Variants in USP3 observed in about 807,000 individuals in gnomAD.
USP3 encodes the protein ubiquitin specific peptidase 3.
A neutral mutation model predicts 72.3 loss-of-function variants in USP3; 20 were observed. That is an observed-to-expected ratio of 0.28 (90% CI 0.19 to 0.40). The LOEUF (loss-of-function observed/expected upper bound fraction) is 0.40, where lower values mean the gene tolerates loss of function less well. Among genes scored for constraint, USP3 ranks in the 10% least tolerant of loss-of-function variants. The probability of loss-of-function intolerance (pLI) is 1.00; values close to 1 mark genes in which losing one functional copy is unlikely to be tolerated. For synonymous variants in USP3, 222 were observed against 225.3 expected (o/e 0.99, Z 0.13); for missense variants, 479 against 633.9 (o/e 0.76, Z 2.62).
chr15:63,524,407 T>G (rs2065954051), intron 1 of USP3, among the ~76,000 whole-genome samples: 1 of 152,298 alleles, frequency 6.6e-6, no homozygotes, highest in Admixed American at 6.5e-5. Context: ...CTCCCTCTGT[T>G]AAGTGGTGGT....
chr15:63,530,217 G>GT (rs1378754625), intron 1 of USP3, among the ~76,000 whole-genome samples: 5 of 151,778 alleles, frequency 3.3e-5, no homozygotes, highest in African/African-American at 1.2e-4. Flanking sequence ...ACCTATAAGA[G>GT]TTTTTTTCTC....
chr15:63,523,519 T>C (rs2065944417), intron 1 of USP3, among the ~76,000 whole-genome samples: 1 of 152,238 alleles, frequency 6.6e-6, no homozygotes. Flanking sequence ...CATTTTTGTA[T>C]AAAAGAGGGA....
intron 7 of USP3, among the ~76,000 whole-genome samples, chr15:63,561,050 G>C (rs1419002280): frequency 6.6e-6 from 1 of 151,924 alleles, no homozygotes; most frequent in Non-Finnish European, 1.5e-5. Context: ...GCGTGGAGCA[G>C]GGCTGGAATG....
intron 1 of USP3, among the ~76,000 whole-genome samples, chr15:63,524,359 G>T (rs1427909540): frequency 6.6e-6 from 1 of 152,220 alleles, no homozygotes; most frequent in East Asian, 1.9e-4. Context: ...CCAGTGAGTT[G>T]TTTGGTGGGT....
intron 11 of USP3, among the ~76,000 whole-genome samples, chr15:63,575,694 G>C (rs1292519534): frequency 6.6e-6 from 1 of 152,134 alleles, no homozygotes; most frequent in Non-Finnish European, 1.5e-5. Context: ...TCTAGTATGT[G>C]TCTCCAAAAC....
intron 2 of USP3, among the ~76,000 whole-genome samples, chr15:63,534,974 C>T (rs192429139): frequency 6.6e-6 from 1 of 152,186 alleles, no homozygotes; most frequent in African/African-American, 2.4e-5. Context: ...CTCTGTCACC[C>T]AGGCTGCAGT....
chr15:63,547,319 T>A (rs1194281186), intron 3 of USP3, among the ~76,000 whole-genome samples: 1 of 152,102 alleles, frequency 6.6e-6, no homozygotes, highest in Non-Finnish European at 1.5e-5. Context: ...GAAATAAATG[T>A]CCCTCTTAGT....
rs1279751250 is a variant in USP3, at chr15:63,566,745, G to T, written c.762-3688G>T. Among the ~76,000 whole-genome samples the T allele has an allele frequency of 2.6e-5, 4 of 152,162 alleles. No individual in the cohort carries two copies. In the East Asian group the frequency reaches 7.7e-4, roughly 29 times the overall value. ...CACTGTAGCCAAGAATTTTGCTATT[G>T]TATTTGTGTGTTTGTAAACACTAAT... On this transcript the variant is annotated intron_variant, in intron 8 of 14. Transcript: ENST00000380324.
At chr15:63,545,864 G>A (rs750408887) in intron 3 of USP3, among the ~76,000 whole-genome samples, 15 of 151,230 alleles carry the variant, frequency 9.9e-5, no homozygotes, top group East Asian at 1.9e-4. Flanking sequence ...TCAGCTACTC[G>A]GGAGGCTGAG....
chr15:63,578,119 T>TA (rs1424069459), intron 11 of USP3, among the ~76,000 whole-genome samples: 1 of 150,594 alleles, frequency 6.6e-6, no homozygotes, highest in African/African-American at 2.4e-5. Context: ...CTACTAAAAA[T>TA]ACAAAAATTA....
intron 2 of USP3, chr15:63,533,736 A>T: frequency 1.6e-6 from 1 of 629,612 alleles, no homozygotes; most frequent in Non-Finnish European, 2.4e-6. Flanking sequence ...ATGTGCACTT[A>T]AGAGTACCTT....
intron 3 of USP3, among the ~76,000 whole-genome samples, chr15:63,539,249 G>A (rs1156801081): frequency 1.3e-5 from 2 of 151,974 alleles, no homozygotes; most frequent in African/African-American, 4.8e-5. Context: ...TGAAGTATCT[G>A]TCTCACATTG....
intron 7 of USP3, 116 bp from the exon 8 acceptor site, chr15:63,562,779 C>A: frequency 1.7e-6 from 1 of 603,450 alleles, no homozygotes. Context: ...TCAGAAAAGA[C>A]CAAATCCTTT....
In USP3 at chr15:63,593,429, C is replaced by T. The variant is rs778243850; in HGVS notation, c.*2603C>T. On this transcript the variant is annotated 3_prime_UTR_variant, in exon 15 of 15. Coordinates refer to ENST00000380324, the MANE Select transcript of USP3 (RefSeq NM_006537.4). ...ATCTTCAGTCTCTCTGAATGGGCAG[C>T]TGTTAAACAGTAAAGGCCTGGGCAG... The T allele has an allele frequency of 2.0e-5, 3 of 152,192 alleles. No individual in the cohort carries two copies. Among genetic ancestry groups the T allele is most frequent in the Non-Finnish European group, 4.4e-5 (3 of 68,042 alleles). 9.4% of individuals were successfully genotyped at this position (152,192 alleles called of 1,614,324 possible). A position where few individuals can be genotyped will look rare whatever the true frequency, so the allele number is the denominator to read the frequency against.
intron 6 of USP3, among the ~76,000 whole-genome samples, chr15:63,559,375 A>G (rs2066567027): frequency 6.6e-6 from 1 of 152,262 alleles, no homozygotes; most frequent in Non-Finnish European, 1.5e-5. Context: ...CAGAAGGCAT[A>G]TTTGATCTCT....
chr15:63,532,866 G>A (rs538772580), intron 2 of USP3, among the ~76,000 whole-genome samples, 159 bp downstream of exon 2: 45 of 152,212 alleles, frequency 3.0e-4, no homozygotes, highest in African/African-American at 1.1e-3. Context: ...CCTTTGTTCT[G>A]TGATACAACT....
At chr15:63,568,160 T>A (rs951198052) in intron 8 of USP3, among the ~76,000 whole-genome samples, 1 of 152,072 alleles carries the variant, frequency 6.6e-6, no homozygotes, top group African/African-American at 2.4e-5. Context: ...GAGACCATCC[T>A]GGTCAACATG....
intron 7 of USP3, among the ~76,000 whole-genome samples, chr15:63,562,093 C>G (rs573301509): frequency 6.6e-6 from 1 of 152,320 alleles, no homozygotes; most frequent in East Asian, 1.9e-4. Context: ...ACATAGTCCC[C>G]CATGGTGCTG....
At chr15:63,520,682 G>C (rs2065909248) in intron 1 of USP3, among the ~76,000 whole-genome samples, 1 of 148,412 alleles carries the variant, frequency 6.7e-6, no homozygotes. Context: ...TCCTGCCTCA[G>C]CCTCCCGAGT....
Sources: gnomAD v4.1 joint callset for allele counts (sites outside exome capture counted in the v4.1 genomes callset) on GRCh38, gnomAD v4.1.1 for gene constraint, MANE v1.5 for transcripts, NCBI Gene and HGNC (gene_info 2026-07-23, HGNC 2026-07-21) for gene names.